Variants in ZC3H18 observed in about 807,000 individuals in gnomAD.
The protein encoded by ZC3H18 is zinc finger CCCH domain-containing protein 18.
Under a neutral mutation model 106.1 loss-of-function variants are expected in ZC3H18, and 8 were observed. That is an observed-to-expected ratio of 0.08 (90% CI 0.04 to 0.14). ZC3H18 has a LOEUF of 0.14. ZC3H18 is among the 10% of genes least tolerant of loss of function. ZC3H18 has a pLI of 1.00. For missense variants in ZC3H18, 1,318 were observed against 1,278.4 expected (o/e 1.03, Z -0.47); for synonymous variants, 635 against 522.1 (o/e 1.22, Z -2.95).
intron 7 of ZC3H18, 145 bp downstream of exon 7, chr16:88,609,196 T>TA (rs1189100206): frequency 1.9e-6 from 1 of 532,564 alleles, no homozygotes; most frequent in Non-Finnish European, 3.1e-6. Flanking sequence ...AATTGATTGT[T>TA]ACGGAGAACG....
intron 8 of ZC3H18, among the ~76,000 whole-genome samples, chr16:88,621,646 G>A (rs1332619324): frequency 2.0e-5 from 3 of 151,834 alleles, no homozygotes; most frequent in African/African-American, 7.3e-5. Flanking sequence ...ATGAGCCATC[G>A]CGCCCAGCCT....
chr16:88,597,931 G>T (rs1056645681), intron 3 of ZC3H18, among the ~76,000 whole-genome samples: 2 of 152,246 alleles, frequency 1.3e-5, no homozygotes, highest in Admixed American at 1.3e-4. Context: ...AAGTGACTTT[G>T]TGGTCACTCT....
chr16:88,618,601 A>G (rs1164587235), intron 8 of ZC3H18, among the ~76,000 whole-genome samples: 1 of 152,126 alleles, frequency 6.6e-6, no homozygotes, highest in African/African-American at 2.4e-5. Flanking sequence ...GGCATGAGCT[A>G]TGAGTGTGCC....
At chr16:88,582,708 A>T (rs772563657) in intron 2 of ZC3H18, among the ~76,000 whole-genome samples, 1 of 152,158 alleles carries the variant, frequency 6.6e-6, no homozygotes, top group Admixed American at 6.5e-5. Flanking sequence ...AGTGTTCCAC[A>T]TAGCCACATG....
chr16:88,571,049 G>C (rs868195291), intron 1 of ZC3H18, among the ~76,000 whole-genome samples: 1 of 152,256 alleles, frequency 6.6e-6, no homozygotes, highest in African/African-American at 2.4e-5. Flanking sequence ...GTTGGGCGCA[G>C]TGATTGCCCC....
intron 3 of ZC3H18, chr16:88,587,673 C>G: frequency 3.5e-6 from 5 of 1,432,998 alleles, no homozygotes; most frequent in Non-Finnish European, 4.7e-6. Context: ...CTCCAGAGGC[C>G]AGACTTCCTT....
At chr16:88,595,256 A>AGGGGAGTGGAGGGG (rs1904366926) in intron 3 of ZC3H18, among the ~76,000 whole-genome samples, 1 of 152,210 alleles carries the variant, frequency 6.6e-6, no homozygotes, top group Non-Finnish European at 1.5e-5. Context: ...TAGTACTTAG[A>AGGGGAGTGGAGGGG]CATTTCAGCA....
In ZC3H18 at chr16:88,631,314, G is replaced by T. The variant is rs778360882; in HGVS notation, c.*15G>T. 1.0e-5 allele frequency: 16 copies of T among 1,559,674 alleles called. No individual in the cohort carries two copies. The Admixed American group carries it at 3.1e-4, about 30-fold the overall frequency. ...GGAAAGCATAGGCCGTGCCCCGACC[G>T]GACTGGACGCATTTTTATACATAGG... On this transcript the variant is annotated 3_prime_UTR_variant, in exon 18 of 18. Coordinates refer to ENST00000301011, the MANE Select transcript of ZC3H18 (RefSeq NM_144604.4).
chr16:88,595,393 A>G (rs1904377061), intron 3 of ZC3H18, among the ~76,000 whole-genome samples: 2 of 151,694 alleles, frequency 1.3e-5, no homozygotes. Context: ...CACAATCCAC[A>G]TAAATTTTGG....
intron 2 of ZC3H18, among the ~76,000 whole-genome samples, chr16:88,578,939 C>CA (rs1914938816): frequency 6.6e-6 from 1 of 152,222 alleles, no homozygotes; most frequent in South Asian, 2.1e-4. Flanking sequence ...CCGGCCGTCT[C>CA]AGCCTCCCAC....
In ZC3H18 at chr16:88,615,265, C is replaced by G. The variant is rs940001467; in HGVS notation, c.1475+3729C>G. On this transcript the variant is annotated intron_variant, in intron 8 of 17. Coordinates refer to ENST00000301011, the MANE Select transcript of ZC3H18 (RefSeq NM_144604.4). ...CTCTGCCCGGACGGGCTGCCTCTAC[C>G]TCCTCCAGGGTTTTGCTCAGATTCC... 7.9e-5 allele frequency among the ~76,000 whole-genome samples: 12 copies of G among 152,220 alleles called. 1 individual carries two copies. The highest frequency in any genetic ancestry group is 7.9e-4 in the Admixed American group (12 of 15,266).
Position 88,627,713 on chromosome 16 carries a change from G to T in ZC3H18, c.2200G>T (p.Asp734Tyr). The part of the protein sequence containing the change: ...HSVDSEDMYA[D>Y]LASPVSSASS... ...CGTGGACTCGGAGGACATGTACGCA[G>T]ACCTGGCTAGCCCCGTGTCCTCAGC... is the stretch of plus-strand genomic sequence containing the variant. Residue 734 changes from aspartate (D) to tyrosine (Y), a missense_variant, in exon 14 of 18, where the codon GAC (aspartate) becomes TAC (tyrosine). Physicochemically the swap from Asp to Tyr is radical, Grantham distance 160. Coordinates refer to ENST00000301011, the MANE Select transcript of ZC3H18 (RefSeq NM_144604.4). This position sits in a 1 kb window ranked among gnomAD's most constrained non-coding sequence, Gnocchi z 4.5. The T allele has an allele frequency of 6.2e-7, 1 of 1,613,724 alleles. No individual in the cohort carries two copies. The highest frequency in any genetic ancestry group is 1.1e-5 in the South Asian group (1 of 91,084).
rs533392706 is a variant in ZC3H18, at chr16:88,621,369, C to T, written c.1476-828C>T. 3.5e-3 allele frequency among the ~76,000 whole-genome samples: 529 copies of T among 152,204 alleles called. 7 individuals are homozygous for T. Among genetic ancestry groups the T allele is most frequent in the African/African-American group, 0.012 (500 of 41,536 alleles). On this transcript the variant is annotated intron_variant, in intron 8 of 17. Coordinates refer to ENST00000301011, the MANE Select transcript of ZC3H18 (RefSeq NM_144604.4). ...CCCCCCAAGTAGCTGGGACTACAGG[C>T]GCCTGCCACCACGCCTGGCTAATTT...
At chr16:88,600,537 C>T (rs1479681642) in intron 6 of ZC3H18, among the ~76,000 whole-genome samples, 1 of 152,208 alleles carries the variant, frequency 6.6e-6, no homozygotes. Flanking sequence ...CTTCAGCCTC[C>T]TGAGTAGCTG....
At chr16:88,571,953 G>C (rs1469469075) in intron 1 of ZC3H18, among the ~76,000 whole-genome samples, 1 of 152,176 alleles carries the variant, frequency 6.6e-6, no homozygotes, top group Non-Finnish European at 1.5e-5. Flanking sequence ...TATTTCATCG[G>C]TGCTTCTTTG....
chr16:88,631,090 C>T lies in ZC3H18; in HGVS notation c.2664-11C>T. On this transcript the variant is annotated splice_polypyrimidine_tract_variant and intron_variant, in intron 17 of 17. Transcript: ENST00000301011. ...TTCTGGGGGCTCAAGGTCTTCCCCACCCCCTTGTAGGAAGCGCCAGCTGTC... is the reference window on the plus strand; with the variant it reads ...TTCTGGGGGCTCAAGGTCTTCCCCATCCCCTTGTAGGAAGCGCCAGCTGTC... 2 of 1,611,212 alleles carry T rather than the reference C, an allele frequency of 1.2e-6. No homozygotes were observed. Among genetic ancestry groups the T allele is most frequent in the East Asian group, 4.5e-5 (2 of 44,864 alleles).
rs757049255 is a variant in ZC3H18 at position 88,577,347 on chromosome 16, A to G, written c.224A>G (p.Glu75Gly). 5 of 1,602,840 alleles carry G rather than the reference A, an allele frequency of 3.1e-6. No homozygotes were observed. The African/African-American group carries it at 5.4e-5, about 17-fold the overall frequency. The part of the protein sequence containing the change: ...NHSDEEDRAS[E>G]PKSQDQDSEV... ...TCCGACGAGGAGGACCGGGCAAGTG[A>G]GCCTAAATCCCAAGACCAGGACTCA... Residue 75 changes from glutamate (E) to glycine (G), a missense_variant, in exon 2 of 18, where the codon GAG (glutamate) becomes GGG (glycine). Coordinates refer to ENST00000301011, the MANE Select transcript of ZC3H18 (RefSeq NM_144604.4).
intron 8 of ZC3H18, among the ~76,000 whole-genome samples, chr16:88,612,660 CAA>C (rs1905337870): frequency 6.9e-6 from 1 of 145,708 alleles, no homozygotes; most frequent in East Asian, 2.0e-4. Context: ...GCCTGGATGA[CAA>C]AGTGAGACCC....
chr16:88,624,546 G>C, intron 11 of ZC3H18, 56 bp from the exon 12 acceptor site: 1 of 1,611,768 alleles, frequency 6.2e-7, no homozygotes, highest in Non-Finnish European at 8.5e-7. Context: ...AGGGGATGTA[G>C]GCCAGCGGGG....
Sources: allele counts gnomAD v4.1 joint callset (sites outside exome capture counted in the v4.1 genomes callset), GRCh38; gene constraint gnomAD v4.1.1; non-coding constraint Gnocchi (gnomAD v3.1); transcripts MANE v1.5; gene names NCBI Gene and HGNC (gene_info 2026-07-23, HGNC 2026-07-21).